Variants in SLC41A3 observed in about 807,000 individuals in gnomAD.
The protein encoded by SLC41A3 is solute carrier family 41 member 3, also known as SLC41A1-like 2.
A neutral mutation model predicts 45.4 loss-of-function variants in SLC41A3; 44 were observed. The ratio of observed to expected loss-of-function variants is 0.97; its 90% confidence interval spans 0.76 to 1.25. The LOEUF is 1.25. Among genes scored for constraint, SLC41A3 ranks in the 50% most tolerant of loss-of-function variants. SLC41A3 has a pLI of 0.00. For synonymous variants in SLC41A3, 256 were observed against 252.4 expected (o/e 1.01, Z -0.13); for missense variants, 550 against 600.6 (o/e 0.92, Z 0.88).
chr3:126,006,368 A>G lies in SLC41A3; in HGVS notation c.*648T>C. 2 of 1,583,986 alleles carry G rather than the reference A, an allele frequency of 1.3e-6. No homozygotes were observed. The highest frequency in any genetic ancestry group is 1.7e-6 in the Non-Finnish European group (2 of 1,160,680). On this transcript the variant is annotated 3_prime_UTR_variant, in exon 11 of 11. Coordinates refer to ENST00000360370, the MANE Select transcript of SLC41A3 (RefSeq NM_017836.4). ...AAAGACATAAAGGGTCAAGTACAAT[A>G]TAATCTGTTTTATTTTACACTTCTC...
Position 126,006,558 on chromosome 3 carries a change from C to G in SLC41A3, c.*458G>C. 6.3e-7 allele frequency: 1 copy of G among 1,598,950 alleles called. No individual in the cohort carries two copies. On this transcript the variant is annotated 3_prime_UTR_variant, in exon 11 of 11. Transcript: ENST00000360370. Reference sequence around the variant, plus strand: ...CACAGCAGCAGTGTGGCCCACGGAGCTTGAACCTGGTGAAGACAGCAAGTA... The same window carrying G: ...CACAGCAGCAGTGTGGCCCACGGAGGTTGAACCTGGTGAAGACAGCAAGTA...
At chr3:126,074,100 C>T (rs1944761786) in intron 1 of SLC41A3, among the ~76,000 whole-genome samples, 1 of 151,868 alleles carries the variant, frequency 6.6e-6, no homozygotes, top group Non-Finnish European at 1.5e-5. Context: ...TCAACAGACA[C>T]AGAAAAAGCA....
intron 1 of SLC41A3, among the ~76,000 whole-genome samples, chr3:126,080,751 G>C (rs1945108034): frequency 6.6e-6 from 1 of 152,186 alleles, no homozygotes; most frequent in African/African-American, 2.4e-5. Flanking sequence ...AGGAGCTTGA[G>C]ACCAGCCTGG....
chr3:126,006,693 A>C lies in SLC41A3; in HGVS notation c.*323T>G, dbSNP rs1939137378. Reference sequence around the variant, plus strand: ...AAAGAGCAAACACACCCTGCAAAGCATACTGGACATGCCTCTTCTTTACCT... The same window carrying C: ...AAAGAGCAAACACACCCTGCAAAGCCTACTGGACATGCCTCTTCTTTACCT... On this transcript the variant is annotated 3_prime_UTR_variant, in exon 11 of 11. Coordinates refer to ENST00000360370, the MANE Select transcript of SLC41A3 (RefSeq NM_017836.4). 2 of 1,463,384 alleles carry C rather than the reference A, an allele frequency of 1.4e-6. No homozygotes were observed. The allele number at this position is 1,463,384 out of a possible 1,614,324, so 90.6% of individuals were successfully genotyped here.
At chr3:126,099,651 G>T (rs758352985) in intron 1 of SLC41A3, among the ~76,000 whole-genome samples, 2 of 152,178 alleles carry the variant, frequency 1.3e-5, no homozygotes, top group Non-Finnish European at 2.9e-5. Context: ...AGTGTGCTGA[G>T]ATTGCGCCAC....
At chr3:126,084,389 G>C (rs1945328512), upstream of SLC41A3, 2 of 152,334 alleles carry the variant, frequency 1.3e-5, no homozygotes, top group East Asian at 1.9e-4. Flanking sequence ...GCCCCCGCGG[G>C]AGCGCTACGG....
At position 126,067,795 on chromosome 3, in the gene SLC41A3, T is replaced by A. The variant is rs763328915; in HGVS notation, c.273+152A>T. The A allele has an allele frequency of 5.8e-5, 55 of 942,478 alleles. 1 individual carries two copies. Among genetic ancestry groups the A allele is most frequent in the Middle Eastern group, 2.3e-4 (1 of 4,378 alleles). 58.4% of individuals were successfully genotyped at this position (942,478 alleles called of 1,614,324 possible). ...AAATTTAGTCTCTGTCACCAGAGAC[T>A]AAAAGAATCTTGCCCAATATATAGA... On this transcript the variant is annotated intron_variant, in intron 2 of 10. Transcript: ENST00000360370.
intron 9 of SLC41A3, 122 bp downstream of exon 9, chr3:126,012,493 T>G: frequency 2.3e-6 from 3 of 1,290,384 alleles, no homozygotes; most frequent in Non-Finnish European, 3.3e-6. Context: ...CTGAAGGTGA[T>G]GTGTGCCGAG....
intron 3 of SLC41A3, among the ~76,000 whole-genome samples, chr3:126,040,403 A>C (rs759644162): frequency 1.3e-5 from 2 of 152,308 alleles, no homozygotes; most frequent in Admixed American, 6.5e-5. Flanking sequence ...GGAAAGTGAC[A>C]AATTGGGTTG....
At chr3:126,080,792 A>G (rs2108090507) in intron 1 of SLC41A3, among the ~76,000 whole-genome samples, 1 of 152,286 alleles carries the variant, frequency 6.6e-6, no homozygotes, top group Middle Eastern at 3.4e-3. Context: ...CTCTACTAAA[A>G]TACAAAAAAT....
chr3:126,018,275 G>C (rs1280736899), intron 6 of SLC41A3, among the ~76,000 whole-genome samples: 2 of 152,204 alleles, frequency 1.3e-5, no homozygotes, highest in Non-Finnish European at 2.9e-5. Context: ...CTGGGGCAGA[G>C]GCAAAGGTTC....
intron 1 of SLC41A3, chr3:126,092,600 C>A: frequency 1.3e-5 from 2 of 153,040 alleles, no homozygotes; most frequent in South Asian, 3.7e-4. Flanking sequence ...CTGAGCTGGT[C>A]ACGGCAAGTG....
At chr3:126,065,723 T>C (rs1559876394) in intron 2 of SLC41A3, among the ~76,000 whole-genome samples, 1 of 151,718 alleles carries the variant, frequency 6.6e-6, no homozygotes, top group Non-Finnish European at 1.5e-5. Flanking sequence ...AAAAAATGAA[T>C]GCATAGCAAA....
At chr3:126,059,307 A>G (rs7633452) in intron 2 of SLC41A3, among the ~76,000 whole-genome samples, 2,976 of 59,080 alleles carry the variant, frequency 0.05, 190 homozygotes, top group Middle Eastern at 0.075. Flanking sequence ...AGAAAGAAAG[A>G]AAGGAAGGAT....
intron 1 of SLC41A3, among the ~76,000 whole-genome samples, chr3:126,074,358 T>C (rs1319275515): frequency 6.6e-6 from 1 of 151,932 alleles, no homozygotes; most frequent in African/African-American, 2.4e-5. Context: ...GTCTGAAAGT[T>C]TTCCCACTAA....
intron 1 of SLC41A3, among the ~76,000 whole-genome samples, chr3:126,100,065 G>C (rs1945679287): frequency 6.6e-6 from 1 of 152,148 alleles, no homozygotes; most frequent in Non-Finnish European, 1.5e-5. Context: ...CCCAAAAGGG[G>C]TCATTCCCAC....
At chr3:126,099,625 G>A (rs766027872) in intron 1 of SLC41A3, among the ~76,000 whole-genome samples, 1 of 152,120 alleles carries the variant, frequency 6.6e-6, no homozygotes, top group African/African-American at 2.4e-5. Flanking sequence ...GCTTGAACCC[G>A]AGAGGGGGAA....
Position 126,008,836 on chromosome 3 carries a change from G to A in SLC41A3, c.1150C>T (p.Pro384Ser). 6.2e-7 allele frequency: 1 copy of A among 1,614,130 alleles called. No individual in the cohort carries two copies. The highest frequency in any genetic ancestry group is 8.5e-7 in the Non-Finnish European group (1 of 1,180,012). The change falls in exon 10 of 11, where the codon CCA becomes TCA. Residue 384 changes from proline (P) to serine (S), a missense_variant. Coordinates refer to ENST00000360370, the MANE Select transcript of SLC41A3 (RefSeq NM_017836.4). ...SARVLLLLVV[P>S]GHLIFFYIIY... is the part of the protein sequence containing the mutation. ...ATGTAGAAGAAAATCAGATGGCCTG[G>A]GACCACCAGCAAGAGCAGGACTCGA...
intron 1 of SLC41A3, chr3:126,070,293 A>T (rs1244327054): frequency 6.6e-6 from 1 of 152,240 alleles, no homozygotes; most frequent in Admixed American, 6.5e-5. Flanking sequence ...TCACTGCCTG[A>T]TCAGGTTCCC....
Sources: allele counts gnomAD v4.1 joint callset (sites outside exome capture counted in the v4.1 genomes callset), GRCh38; gene constraint gnomAD v4.1.1; transcripts MANE v1.5; gene names NCBI Gene and HGNC (gene_info 2026-07-23, HGNC 2026-07-21).